ROBO2: variants seen among roughly 807,000 people sequenced by gnomAD.
The protein encoded by ROBO2 is roundabout guidance receptor 2.
Under a neutral mutation model 160.8 loss-of-function variants are expected in ROBO2, and 53 were observed. That is an observed-to-expected ratio of 0.33 (90% confidence interval 0.26 to 0.41). The LOEUF (loss-of-function observed/expected upper bound fraction) is 0.41. Among genes scored for constraint, ROBO2 ranks in the 10% least tolerant of loss-of-function variants. ROBO2 has a pLI of 1.00. For missense variants in ROBO2, 1,577 were observed against 1,722.4 expected (o/e 0.92, Z 1.49); for synonymous variants, 664 against 611.7 (o/e 1.09, Z -1.26).
At chr3:76,757,303 T>A (rs1196477016) in intron 2 of ROBO2, among the ~76,000 whole-genome samples, 1 of 151,818 alleles carries the variant, frequency 6.6e-6, no homozygotes, top group African/African-American at 2.4e-5. Flanking sequence ...TGCAATTACA[T>A]GATACCCAGA....
chr3:75,951,039 A>G (rs1034756413), intron 2 of ROBO2, among the ~76,000 whole-genome samples: 5 of 152,036 alleles, frequency 3.3e-5, no homozygotes, highest in Non-Finnish European at 7.4e-5. Flanking sequence ...AAGTTCGTTG[A>G]TGTTTTTGTT....
chr3:76,345,314 T>A (rs1295234115), intron 2 of ROBO2, among the ~76,000 whole-genome samples: 1 of 152,076 alleles, frequency 6.6e-6, no homozygotes, highest in African/African-American at 2.4e-5. Flanking sequence ...GCACACTTTT[T>A]TTTCTGTCGC....
chr3:76,127,947 G>A (rs2071061893), intron 2 of ROBO2, among the ~76,000 whole-genome samples: 1 of 146,768 alleles, frequency 6.8e-6, no homozygotes. Context: ...CCAGGCTGGA[G>A]TGCAGTGGCG....
intron 2 of ROBO2, among the ~76,000 whole-genome samples, chr3:76,542,415 G>T (rs1379653907): frequency 1.3e-5 from 2 of 152,100 alleles, no homozygotes; most frequent in African/African-American, 4.8e-5. Flanking sequence ...GGAAGTCCAG[G>T]CCTTGGCTTC....
chr3:77,436,679 G>A (rs370534024), intron 2 of ROBO2, among the ~76,000 whole-genome samples: 8 of 151,906 alleles, frequency 5.3e-5, no homozygotes, highest in Middle Eastern at 3.4e-3. Context: ...AGAGATACTG[G>A]ATTTCAGAAT....
chr3:76,759,717 C>G (rs1302952205), intron 2 of ROBO2, among the ~76,000 whole-genome samples: 1 of 151,124 alleles, frequency 6.6e-6, no homozygotes, highest in Non-Finnish European at 1.5e-5. Flanking sequence ...TAGAAAGTGA[C>G]TAACTTGCCT....
chr3:76,010,368 A>G (rs1356745163), intron 2 of ROBO2, among the ~76,000 whole-genome samples: 1 of 152,214 alleles, frequency 6.6e-6, no homozygotes, highest in Admixed American at 6.5e-5. Context: ...CTCAACATGA[A>G]CAATCCTCGG....
At chr3:77,067,151 G>C (rs906022844) in intron 1 of ROBO2, among the ~76,000 whole-genome samples, 1 of 151,800 alleles carries the variant, frequency 6.6e-6, no homozygotes, top group South Asian at 2.1e-4. Context: ...TTGATTTTTC[G>C]TGACTGCATA....
intron 2 of ROBO2, among the ~76,000 whole-genome samples, chr3:75,939,894 T>G (rs1947965876): frequency 6.6e-6 from 1 of 152,080 alleles, no homozygotes; most frequent in Admixed American, 6.6e-5. Context: ...ACATGAAAAT[T>G]TATAAATAAG....
At chr3:76,452,384 C>A (rs2077522629) in intron 2 of ROBO2, among the ~76,000 whole-genome samples, 1 of 151,906 alleles carries the variant, frequency 6.6e-6, no homozygotes, top group Non-Finnish European at 1.5e-5. Flanking sequence ...TCCATGTGTT[C>A]TCATTGTTCA....
intron 3 of ROBO2, among the ~76,000 whole-genome samples, chr3:77,479,059 A>G (rs922346464): frequency 3.9e-5 from 6 of 152,168 alleles, no homozygotes; most frequent in Non-Finnish European, 4.4e-5. Flanking sequence ...CATAGGATAG[A>G]GGGAAGTGGG....
intron 2 of ROBO2, among the ~76,000 whole-genome samples, chr3:77,103,320 G>T (rs1379479072): frequency 6.6e-6 from 1 of 152,162 alleles, no homozygotes; most frequent in Non-Finnish European, 1.5e-5. Flanking sequence ...CTGTGCCAGT[G>T]CAGAGAGTAG....
At chr3:77,507,612 G>A (rs1211133779) in intron 5 of ROBO2, among the ~76,000 whole-genome samples, 5 of 152,218 alleles carry the variant, frequency 3.3e-5, no homozygotes, top group Middle Eastern at 3.4e-3. Context: ...CTACCCAAAC[G>A]CACAACTATG....
chr3:76,837,152 A>C lies in ROBO2; in HGVS notation c.110-260862A>C, dbSNP rs991445810. Among the ~76,000 whole-genome samples, 8 of 151,958 alleles carry C rather than the reference A, an allele frequency of 5.3e-5. No homozygotes were observed. The South Asian group carries it at 1.7e-3, about 32-fold the overall frequency. ...TTTTCCTATAGATTCCCATGCTTTC[A>C]TTTACAGTTGAAGCAATTTGATAGA... On this transcript the variant is annotated intron_variant, in intron 2 of 26. Transcript: ENST00000487694.
chr3:76,083,816 T>C (rs1003767476), intron 2 of ROBO2, among the ~76,000 whole-genome samples: 2 of 152,126 alleles, frequency 1.3e-5, no homozygotes, highest in African/African-American at 4.8e-5. Flanking sequence ...TGCACACCCT[T>C]TTCTCTCTCC....
chr3:76,555,395 A>AGAT (rs879752102), intron 2 of ROBO2, among the ~76,000 whole-genome samples: 1 of 77,158 alleles, frequency 1.3e-5, no homozygotes, highest in Non-Finnish European at 3.6e-5. Context: ...AAGAAGAAGA[A>AGAT]GAAGAAGAAG....
At chr3:76,724,038 C>T (rs1007422260) in intron 2 of ROBO2, among the ~76,000 whole-genome samples, 1 of 152,184 alleles carries the variant, frequency 6.6e-6, no homozygotes, top group African/African-American at 2.4e-5. Context: ...TGTCTAGTCA[C>T]CCACTCCCAT....
At chr3:76,243,563 T>C (rs1705433214) in intron 2 of ROBO2, among the ~76,000 whole-genome samples, 1 of 152,160 alleles carries the variant, frequency 6.6e-6, no homozygotes, top group Non-Finnish European at 1.5e-5. Context: ...CTTAGAGCTT[T>C]AAGCTGGAGG....
chr3:77,357,443 G>T (rs556170358), intron 2 of ROBO2, among the ~76,000 whole-genome samples: 4 of 152,100 alleles, frequency 2.6e-5, no homozygotes, highest in Admixed American at 6.6e-5. Flanking sequence ...CAGCAAGAAG[G>T]TCCACAACAG....
Sources: allele counts gnomAD v4.1 joint callset (sites outside exome capture counted in the v4.1 genomes callset), GRCh38; gene constraint gnomAD v4.1.1; transcripts MANE v1.5; gene names NCBI Gene and HGNC (gene_info 2026-07-23, HGNC 2026-07-21).